Variants in N4BP2L1 observed in about 807,000 individuals in gnomAD.
N4BP2L1 encodes the protein NEDD4 binding protein 2 like 1.
Under a neutral mutation model 21.2 loss-of-function variants are expected in N4BP2L1, and 12 were observed. The ratio of observed to expected loss-of-function variants is 0.57; its 90% confidence interval spans 0.36 to 0.92. N4BP2L1 has a LOEUF of 0.92. Among genes scored for constraint, N4BP2L1 ranks in the 40% least tolerant of loss-of-function variants. The pLI is 0.01. For synonymous variants in N4BP2L1, 104 were observed against 112.8 expected (o/e 0.92, Z 0.49); for missense variants, 259 against 310.6 (o/e 0.83, Z 1.25).
intron 1 of N4BP2L1, among the ~76,000 whole-genome samples, chr13:32,409,243 A>G (rs2073711590): frequency 6.6e-6 from 1 of 152,242 alleles, no homozygotes; most frequent in African/African-American, 2.4e-5. Context: ...CATTCCAGAA[A>G]TGGTAACTAA....
intron 3 of N4BP2L1, among the ~76,000 whole-genome samples, chr13:32,405,858 C>T (rs13378423): frequency 2.8e-5 from 4 of 145,412 alleles, no homozygotes; most frequent in African/African-American, 5.1e-5. Flanking sequence ...CTGCATGATG[C>T]GAGGAGGATA....
At chr13:32,414,854 G>A (rs2074042269) in intron 1 of N4BP2L1, among the ~76,000 whole-genome samples, 2 of 152,204 alleles carry the variant, frequency 1.3e-5, no homozygotes, top group Admixed American at 1.3e-4. Flanking sequence ...TTCACTCAGG[G>A]CACATGGGTA....
At position 32,402,522 on chromosome 13, in the gene N4BP2L1, C is replaced by T. The variant is rs1023652654; in HGVS notation, c.*420G>A. On this transcript the variant is annotated 3_prime_UTR_variant, in exon 5 of 5. Coordinates refer to ENST00000380130, the MANE Select transcript of N4BP2L1 (RefSeq NM_052818.3). ...TGGCACTTTGATAAGTAGCAATGCC[C>T]CCCCACCACTTCTCTCCACCTTCCC... 2.0e-6 allele frequency: 2 copies of T among 982,520 alleles called. No homozygotes were observed. Among genetic ancestry groups the T allele is most frequent in the Non-Finnish European group, 2.4e-6 (2 of 826,834 alleles). 60.9% of individuals were successfully genotyped at this position (982,520 alleles called of 1,614,324 possible).
At chr13:32,428,382 C>T (rs1318752859), upstream of N4BP2L1, 2 of 257,540 alleles carry the variant, frequency 7.8e-6, no homozygotes, top group African/African-American at 4.4e-5. Flanking sequence ...GGGGAGGGGC[C>T]CCGTCTAGTA....
chr13:32,404,157 A>T, intron 4 of N4BP2L1, 164 bp downstream of exon 4: 1 of 1,610,498 alleles, frequency 6.2e-7, no homozygotes, highest in Non-Finnish European at 8.5e-7. Flanking sequence ...CCAAAACTAA[A>T]GTCTTCACAT....
intron 1 of N4BP2L1, chr13:32,419,308 C>CA (rs2074325057): frequency 8.6e-5 from 26 of 303,006 alleles, no homozygotes; most frequent in South Asian, 6.1e-4. Context: ...TGCAGTGGCA[C>CA]AATCTAAGCT....
intron 1 of N4BP2L1, among the ~76,000 whole-genome samples, chr13:32,422,431 C>A (rs1424462197): frequency 6.6e-6 from 1 of 152,192 alleles, no homozygotes; most frequent in African/African-American, 2.4e-5. Context: ...TGGGCTCAGA[C>A]CAGATGAACT....
chr13:32,418,669 G>C (rs1197189354), intron 1 of N4BP2L1, among the ~76,000 whole-genome samples: 2 of 152,230 alleles, frequency 1.3e-5, no homozygotes, highest in Non-Finnish European at 2.9e-5. Flanking sequence ...GCAGCCAGGA[G>C]TGGAGCTGTA....
Position 32,426,689 on chromosome 13 carries a change from A to C in N4BP2L1, c.179+1215T>G, listed in dbSNP as rs894885737. Among the ~76,000 whole-genome samples, 14 of 152,244 alleles carry C rather than the reference A, an allele frequency of 9.2e-5. No homozygotes were observed. In the East Asian group the frequency reaches 1.2e-3, roughly 13 times the overall value. ...GTTCCTTGGTACCATGGCTAGCCTT[A>C]TCTCTCCAGTGAGACGGGAAGCCCT... is the stretch of plus-strand genomic sequence containing the variant. On this transcript the variant is annotated intron_variant, in intron 1 of 4. Transcript: ENST00000380130.
chr13:32,412,110 C>T (rs2073891764), intron 1 of N4BP2L1, among the ~76,000 whole-genome samples: 1 of 151,962 alleles, frequency 6.6e-6, no homozygotes, highest in Admixed American at 6.6e-5. Context: ...ATTTGGTTGC[C>T]ATGTCCCTTA....
At chr13:32,424,894 A>C (rs1024600406) in intron 1 of N4BP2L1, 1 of 152,226 alleles carries the variant, frequency 6.6e-6, no homozygotes, top group Non-Finnish European at 1.5e-5. Context: ...ACAGAAATCT[A>C]ACATTGATTT....
At chr13:32,407,413 AT>A (rs1190765901) in intron 2 of N4BP2L1, 75 bp from the exon 3 acceptor site, 2 of 1,610,014 alleles carry the variant, frequency 1.2e-6, no homozygotes, top group African/African-American at 1.3e-5. Context: ...TCTATTCGTC[AT>A]TTTTATTACA....
Position 32,418,140 on chromosome 13 carries a change from T to C in N4BP2L1, c.179+9764A>G, listed in dbSNP as rs28836788. ...TGGCAGAGGACTTCATGGCAGCCTC[T>C]CCCATCACAGGCCTGGAGACCTAGG... On this transcript the variant is annotated intron_variant, in intron 1 of 4. Transcript: ENST00000380130. Among the ~76,000 whole-genome samples, 913 of 152,272 alleles carry C rather than the reference T, an allele frequency of 6.0e-3. 13 individuals carry two copies. Among genetic ancestry groups the C allele is most frequent in the African/African-American group, 0.021 (871 of 41,554 alleles).
intron 1 of N4BP2L1, among the ~76,000 whole-genome samples, chr13:32,418,289 G>C (rs1436070010): frequency 1.3e-5 from 2 of 152,272 alleles, no homozygotes; most frequent in African/African-American, 4.8e-5. Flanking sequence ...GTACAGCTCA[G>C]ACCATTGCTT....
intron 4 of N4BP2L1, chr13:32,403,855 CAG>C (rs1040624967): frequency 2.1e-6 from 1 of 466,766 alleles, no homozygotes. Context: ...ATAATACAGA[CAG>C]AGAATATCTG....
rs1416007454 is a variant in N4BP2L1 at position 32,402,189 on chromosome 13, C to T, written c.*753G>A. ...TATGAAGGCAGGCTTATTTTATTTA[C>T]ACTATTAGCACAACAGCCAAAAGTT... On this transcript the variant is annotated 3_prime_UTR_variant, in exon 5 of 5. Coordinates refer to ENST00000380130, the MANE Select transcript of N4BP2L1 (RefSeq NM_052818.3). 1 of 983,828 alleles carries T rather than the reference C, an allele frequency of 1.0e-6. No individual in the cohort carries two copies. The highest frequency in any genetic ancestry group is 1.7e-5 in the African/African-American group (1 of 57,200). The allele number at this position is 983,828 out of a possible 1,614,324, so 60.9% of individuals were successfully genotyped here. A position where few individuals can be genotyped will look rare whatever the true frequency, so the allele number is the denominator to read the frequency against.
intron 1 of N4BP2L1, among the ~76,000 whole-genome samples, chr13:32,420,991 C>G (rs1188169147): frequency 3.3e-5 from 5 of 152,246 alleles, no homozygotes; most frequent in African/African-American, 9.6e-5. Context: ...CCACCATGCC[C>G]AGCCTCATTC....
intron 1 of N4BP2L1, among the ~76,000 whole-genome samples, chr13:32,427,631 C>A (rs925872405): frequency 3.3e-5 from 5 of 152,106 alleles, no homozygotes; most frequent in African/African-American, 7.2e-5. Context: ...CCCGGGACAG[C>A]GCGGCGGGAA....
intron 1 of N4BP2L1, among the ~76,000 whole-genome samples, chr13:32,418,684 G>A (rs1348061329): frequency 6.6e-6 from 1 of 152,242 alleles, no homozygotes; most frequent in African/African-American, 2.4e-5. Flanking sequence ...GCTGTACCTT[G>A]CAAAGCCACA....
Sources: allele counts gnomAD v4.1 joint callset (sites outside exome capture counted in the v4.1 genomes callset), GRCh38; gene constraint gnomAD v4.1.1; transcripts MANE v1.5; gene names NCBI Gene and HGNC (gene_info 2026-07-23, HGNC 2026-07-21).